SDSL: variants seen among roughly 807,000 people sequenced by gnomAD.
SDSL encodes serine dehydratase-like.
In SDSL, 26 loss-of-function variants were observed where a neutral mutation model predicts 27.6. That is an observed-to-expected ratio of 0.94 (90% CI 0.69 to 1.31). SDSL has a LOEUF of 1.31. SDSL is among the 50% of genes most tolerant of loss of function. SDSL has a pLI of 0.00. For missense variants in SDSL, 431 were observed against 423.5 expected (o/e 1.02, Z -0.16); for synonymous variants, 196 against 180.6 (o/e 1.09, Z -0.69).
At chr12:113,435,847 T>A (rs1957984574) in intron 6 of SDSL, among the ~76,000 whole-genome samples, 1 of 152,240 alleles carries the variant, frequency 6.6e-6, no homozygotes, top group African/African-American at 2.4e-5. Context: ...CCAGGCACCA[T>A]GGCTCATGCT....
intron 4 of SDSL, 52 bp downstream of exon 4, chr12:113,429,351 C>T (rs368265352): frequency 1.3e-6 from 2 of 1,553,334 alleles, no homozygotes; most frequent in Non-Finnish European, 1.8e-6. Flanking sequence ...TCTCCTTCAC[C>T]TCACCCCACC....
intron 6 of SDSL, among the ~76,000 whole-genome samples, chr12:113,436,364 C>G (rs747438251): frequency 6.6e-6 from 1 of 151,882 alleles, no homozygotes; most frequent in Non-Finnish European, 1.5e-5. Context: ...TCTCAGCTCA[C>G]TGCAACCTCT....
intron 5 of SDSL, among the ~76,000 whole-genome samples, chr12:113,434,844 G>C (rs998239901): frequency 7.2e-5 from 11 of 152,266 alleles, no homozygotes; most frequent in African/African-American, 2.7e-4. Flanking sequence ...GCCAGGCGCG[G>C]TGGCTCACGC....
chr12:113,433,160 A>G (rs1440934213), intron 4 of SDSL, among the ~76,000 whole-genome samples: 1 of 152,228 alleles, frequency 6.6e-6, no homozygotes, highest in Non-Finnish European at 1.5e-5. Flanking sequence ...TCAGTAACTC[A>G]GGGGAATGAG....
chr12:113,426,372 C>A (rs900843367), intron 1 of SDSL: 9 of 371,090 alleles, frequency 2.4e-5, no homozygotes, highest in Admixed American at 1.5e-4. Context: ...TGATTCAAAC[C>A]GTGAAAAACC....
At chr12:113,423,939 A>G (rs915143552) in intron 1 of SDSL, among the ~76,000 whole-genome samples, 10 of 152,150 alleles carry the variant, frequency 6.6e-5, no homozygotes, top group African/African-American at 2.2e-4. Flanking sequence ...TAGTCCTGCC[A>G]TGTACACGCT....
In SDSL at chr12:113,427,960, A is replaced by T; in HGVS notation, c.-21-2A>T. 6.3e-7 allele frequency: 1 copy of T among 1,599,508 alleles called. No homozygotes were observed. The highest frequency in any genetic ancestry group is 8.5e-7 in the Non-Finnish European group (1 of 1,172,912). On this transcript the variant is annotated splice_acceptor_variant, in intron 1 of 7. Transcript: ENST00000403593. LOFTEE classifies it low-confidence loss of function (5UTR_SPLICE). ...GGGTGGTGACTTTGTGTCCTCCTGC[A>T]GGCTGTCTACCTGGTCTCCAGAATG...
chr12:113,425,545 G>C, intron 1 of SDSL: 1 of 404,474 alleles, frequency 2.5e-6, no homozygotes, highest in South Asian at 1.9e-5. Context: ...ATGGAATGGT[G>C]GGGACCGGCC....
intron 3 of SDSL, among the ~76,000 whole-genome samples, 197 bp from the exon 4 acceptor site, chr12:113,428,963 A>G (rs1957885835): frequency 6.6e-6 from 1 of 151,002 alleles, no homozygotes; most frequent in Admixed American, 6.6e-5. Flanking sequence ...TTCATCCTTG[A>G]ACCAATCATG....
At chr12:113,436,048 G>T (rs2136961154) in intron 6 of SDSL, among the ~76,000 whole-genome samples, 1 of 152,276 alleles carries the variant, frequency 6.6e-6, no homozygotes, top group Non-Finnish European at 1.5e-5. Context: ...TTGAGCCCAG[G>T]AGTTTGAGGC....
Position 113,436,979 on chromosome 12 carries a change from T to C in SDSL, c.796+104T>C, listed in dbSNP as rs147732110. The C allele has an allele frequency of 1.7e-3, 2,020 of 1,199,938 alleles. 23 individuals carry two copies. In the African/African-American group the frequency reaches 0.025, roughly 15 times the overall value. The allele number at this position is 1,199,938 out of a possible 1,614,324, so 74.3% of individuals were successfully genotyped here. Reference sequence around the variant, plus strand: ...TATCTGTATCCTCAGCACCAGGCACTGGCTAGGTGTGCAGTTACTGTGCAC... The same window carrying C: ...TATCTGTATCCTCAGCACCAGGCACCGGCTAGGTGTGCAGTTACTGTGCAC... On this transcript the variant is annotated intron_variant, in intron 7 of 7. Transcript: ENST00000403593.
In SDSL at chr12:113,435,571, G is replaced by A. The variant is rs1462816320; in HGVS notation, c.671+15G>A. The A allele has an allele frequency of 1.2e-6, 2 of 1,606,694 alleles. No individual in the cohort carries two copies. Among genetic ancestry groups the A allele is most frequent in the Non-Finnish European group, 8.5e-7 (1 of 1,175,056 alleles). ...GACATCACCAGGTGGGTAAGGGCTGGGGACATTTGTAGGGGCTGGAGGGTG... is the reference window on the plus strand; with the variant it reads ...GACATCACCAGGTGGGTAAGGGCTGAGGACATTTGTAGGGGCTGGAGGGTG... On this transcript the variant is annotated intron_variant, in intron 6 of 7. Transcript: ENST00000403593.
chr12:113,434,211 C>T lies in SDSL; in HGVS notation c.432C>T (p.His144=). The T allele has an allele frequency of 6.2e-7, 1 of 1,612,502 alleles. No individual in the cohort carries two copies. The highest frequency in any genetic ancestry group is 8.5e-7 in the Non-Finnish European group (1 of 1,178,992). ...GGGAGAATGTCCCCCCGTTTGACCA[C>T]CCCCTAATATGGTAAGGCTGACGCC... The part of the protein sequence containing the change: ...DGWENVPPFD[H]PLIWKGHASL... The change falls in exon 5 of 8, where the codon CAC becomes CAT. Residue 144 remains histidine, a synonymous_variant. Coordinates refer to ENST00000403593, the MANE Select transcript of SDSL (RefSeq NM_001304993.2).
At position 113,436,857 on chromosome 12, in the gene SDSL, G is replaced by A. The variant is rs543161562; in HGVS notation, c.778G>A (p.Ala260Thr). 49 of 1,608,024 alleles carry A rather than the reference G, an allele frequency of 3.0e-5. No homozygotes were observed. The highest frequency in any genetic ancestry group is 3.5e-5 in the Non-Finnish European group (41 of 1,178,254). Residue 260 changes from alanine (A) to threonine (T), a missense_variant, in exon 7 of 8, where the codon GCT becomes ACT. Ala to Thr is a moderately conservative substitution (Grantham distance 58, BLOSUM62 0). Coordinates refer to ENST00000403593, the MANE Select transcript of SDSL (RefSeq NM_001304993.2). Reference sequence around the variant, plus strand: ...GGTGGAGGACACCGAGGCTGTGAGCGCTGTGCAGCAGCTCCTGGGTGAGTG... The same window carrying A: ...GGTGGAGGACACCGAGGCTGTGAGCACTGTGCAGCAGCTCCTGGGTGAGTG... ...EVVEDTEAVS[A>T]VQQLLDDERM...
intron 1 of SDSL, among the ~76,000 whole-genome samples, chr12:113,424,084 T>C (rs34194176): frequency 0.084 from 12,776 of 152,262 alleles, 946 homozygotes; most frequent in African/African-American, 0.2. Context: ...CTCGGCTCAC[T>C]GCAACCTCGC....
chr12:113,424,999 G>A (rs963694671), intron 1 of SDSL, among the ~76,000 whole-genome samples: 2 of 152,142 alleles, frequency 1.3e-5, no homozygotes, highest in African/African-American at 4.8e-5. Context: ...GCCTCCCAAA[G>A]TGCTGGGATT....
intron 5 of SDSL, 64 bp from the exon 6 acceptor site, chr12:113,435,265 A>G: frequency 8.5e-7 from 1 of 1,178,736 alleles, no homozygotes; most frequent in Non-Finnish European, 1.2e-6. Flanking sequence ...TTCCCCCACC[A>G]CAGGAGCCAT....
At chr12:113,432,187 G>C (rs1044195493) in intron 4 of SDSL, among the ~76,000 whole-genome samples, 2 of 151,882 alleles carry the variant, frequency 1.3e-5, no homozygotes, top group African/African-American at 4.8e-5. Context: ...CACTGTGCCT[G>C]GCTGACAGGT....
At chr12:113,432,623 A>G (rs1356415410) in intron 4 of SDSL, among the ~76,000 whole-genome samples, 1 of 152,112 alleles carries the variant, frequency 6.6e-6, no homozygotes, top group Non-Finnish European at 1.5e-5. Context: ...TACAGGCGTG[A>G]GCCACTGCGC....
Sources: gnomAD v4.1 joint callset for allele counts (sites outside exome capture counted in the v4.1 genomes callset) on GRCh38, gnomAD v4.1.1 for gene constraint, MANE v1.5 for transcripts, NCBI Gene and HGNC (gene_info 2026-07-23, HGNC 2026-07-21) for gene names.